Variants in SANBR observed in about 807,000 individuals in gnomAD.
The protein encoded by SANBR is SANT and BTB domain regulator of class switch recombination.
Under a neutral mutation model 101.8 loss-of-function variants are expected in SANBR, and 77 were observed. That is an observed-to-expected ratio of 0.76 (90% CI 0.63 to 0.91). The LOEUF (loss-of-function observed/expected upper bound fraction) is 0.91, where lower values mean the gene tolerates loss of function less well. Ranked by LOEUF, SANBR falls within the 40% of genes least tolerant of loss-of-function variation. SANBR has a pLI of 0.00. For missense variants in SANBR, 875 were observed against 853.0 expected, an observed-to-expected ratio of 1.03 and a Z score of -0.32; for synonymous variants, 279 against 274.7, an observed-to-expected ratio of 1.02 and a Z score of -0.15.
intron 17 of SANBR, chr2:61,117,083 G>T: frequency 2.2e-6 from 1 of 450,340 alleles, no homozygotes; most frequent in Non-Finnish European, 4.0e-6. Context: ...TGCATAAGCT[G>T]GGATTCCAAG....
At chr2:61,079,513 G>C (rs1326427991) in intron 6 of SANBR, among the ~76,000 whole-genome samples, 2 of 152,118 alleles carry the variant, frequency 1.3e-5, no homozygotes, top group African/African-American at 4.8e-5. Context: ...AAATTAATAG[G>C]AGAGGTTTCT....
At chr2:61,072,163 T>G (rs1048747222) in intron 4 of SANBR, among the ~76,000 whole-genome samples, 48 of 152,280 alleles carry the variant, frequency 3.2e-4, no homozygotes, top group African/African-American at 1.2e-3. Context: ...GGTCTGGAAC[T>G]CCTGAGCTCA....
intron 4 of SANBR, among the ~76,000 whole-genome samples, chr2:61,073,070 T>C (rs1681569962): frequency 6.6e-6 from 1 of 152,020 alleles, no homozygotes; most frequent in Non-Finnish European, 1.5e-5. Flanking sequence ...TGCAATTACA[T>C]TGGAAATAAT....
Position 61,123,667 on chromosome 2 carries a change from G to C in SANBR, c.*1505G>C, listed in dbSNP as rs1416342246. On this transcript the variant is annotated 3_prime_UTR_variant, in exon 22 of 22. Coordinates refer to ENST00000402291, the MANE Select transcript of SANBR (RefSeq NM_001129993.3). ...AACAGTGCTGTAATGGTCACGACTA[G>C]ATAAGGAAAAAATATATATGCTCTT... 4.1e-6 allele frequency: 4 copies of C among 985,280 alleles called. No homozygotes were observed. The East Asian group carries it at 4.5e-4, about 110-fold the overall frequency. 61.0% of individuals were successfully genotyped at this position (985,280 alleles called of 1,614,324 possible). A position where few individuals can be genotyped will look rare whatever the true frequency, so the allele number is the denominator to read the frequency against.
At position 61,090,697 on chromosome 2, in the gene SANBR, ATGTGTGTGTGGGCACAGGGTTTGTGTG is replaced by A. The variant is rs1001498231; in HGVS notation, c.1089-1756_1089-1730del. 4.5e-4 allele frequency: 66 copies of A among 145,280 alleles called. 1 individual carries two copies. In the South Asian group the frequency reaches 0.013, roughly 29 times the overall value. The allele number at this position is 145,280 out of a possible 1,614,324, so 9.0% of individuals were successfully genotyped here. ...ATGCCTGGCAACCTGGCAATTGTGT[ATGTGTGTGTGGGCACAGGGTTTGTGTG>A]TGTGTGTGTGTGTGTGTGTGTGTGT... On this transcript the variant is annotated intron_variant, in intron 10 of 21. Transcript: ENST00000402291.
intron 16 of SANBR, among the ~76,000 whole-genome samples, chr2:61,111,214 A>G (rs891703497): frequency 1.3e-5 from 2 of 152,132 alleles, no homozygotes; most frequent in Non-Finnish European, 2.9e-5. Flanking sequence ...TAACACAGTG[A>G]AACCCCTTCT....
intron 7 of SANBR, among the ~76,000 whole-genome samples, chr2:61,082,529 A>G (rs1682188353): frequency 1.3e-5 from 2 of 152,200 alleles, no homozygotes; most frequent in East Asian, 1.9e-4. Context: ...GTTTAATTAT[A>G]AGAAGTTACA....
chr2:61,112,132 T>C (rs1273729533), intron 16 of SANBR, among the ~76,000 whole-genome samples: 1 of 152,252 alleles, frequency 6.6e-6, no homozygotes, highest in Non-Finnish European at 1.5e-5. Context: ...CAAATTGTTT[T>C]GCAAAGTGGC....
chr2:61,116,599 A>T (rs1684089599), intron 17 of SANBR, among the ~76,000 whole-genome samples: 1 of 152,226 alleles, frequency 6.6e-6, no homozygotes, highest in African/African-American at 2.4e-5. Context: ...GAATAAGAGA[A>T]TAGTAATAAC....
chr2:61,091,034 C>T (rs951551248), intron 10 of SANBR, among the ~76,000 whole-genome samples: 2 of 151,784 alleles, frequency 1.3e-5, no homozygotes, highest in African/African-American at 4.8e-5. Flanking sequence ...TCAGACTCAG[C>T]CTCCCGAGTA....
intron 12 of SANBR, among the ~76,000 whole-genome samples, chr2:61,100,820 C>T (rs1683246342): frequency 2.0e-5 from 3 of 152,106 alleles, no homozygotes; most frequent in Non-Finnish European, 4.4e-5. Flanking sequence ...TGAGAGCTCA[C>T]TGGAGATTGG....
chr2:61,078,711 G>A (rs1054560441), intron 6 of SANBR, among the ~76,000 whole-genome samples: 1 of 151,882 alleles, frequency 6.6e-6, no homozygotes, highest in Non-Finnish European at 1.5e-5. Context: ...CATGAGCCAC[G>A]GCGCCCGACC....
intron 5 of SANBR, among the ~76,000 whole-genome samples, chr2:61,076,258 G>T (rs1037131620): frequency 1.3e-5 from 2 of 150,754 alleles, no homozygotes; most frequent in East Asian, 2.0e-4. Flanking sequence ...CTCCCAAAGT[G>T]CTGGGATTAC....
At chr2:61,077,483 TCA>T (rs1681855229) in intron 6 of SANBR, among the ~76,000 whole-genome samples, 1 of 151,948 alleles carries the variant, frequency 6.6e-6, no homozygotes, top group Admixed American at 6.6e-5. Context: ...ACTGTGTTGC[TCA>T]GATGGTACAA....
intron 12 of SANBR, among the ~76,000 whole-genome samples, chr2:61,102,061 C>A (rs1360691167): frequency 1.3e-5 from 2 of 151,538 alleles, no homozygotes; most frequent in Non-Finnish European, 2.9e-5. Context: ...TATAATGAAT[C>A]TTTTGTCGAT....
exon 22 of SANBR, chr2:61,137,847 A>T (rs1445888491): frequency 6.6e-6 from 1 of 152,196 alleles, no homozygotes; most frequent in Non-Finnish European, 1.5e-5. Context: ...TACATATTTT[A>T]TGTAGCTACA....
intron 16 of SANBR, among the ~76,000 whole-genome samples, chr2:61,110,531 T>C (rs1327635474): frequency 6.6e-6 from 1 of 152,170 alleles, no homozygotes; most frequent in African/African-American, 2.4e-5. Context: ...ATACAAAAAT[T>C]AGCCGGGCAT....
chr2:61,080,527 C>T (rs1025237639), intron 6 of SANBR, among the ~76,000 whole-genome samples: 1 of 152,140 alleles, frequency 6.6e-6, no homozygotes, highest in African/African-American at 2.4e-5. Context: ...TGGAGACCAT[C>T]CTGGCCAACA....
chr2:61,102,143 G>T (rs553199852), intron 12 of SANBR, among the ~76,000 whole-genome samples: 132 of 152,012 alleles, frequency 8.7e-4, no homozygotes, highest in African/African-American at 3.2e-3. Flanking sequence ...GGAGGCCGAG[G>T]CGGTCAGATC....
Sources: gnomAD v4.1 joint callset for allele counts (sites outside exome capture counted in the v4.1 genomes callset) on GRCh38, gnomAD v4.1.1 for gene constraint, MANE v1.5 for transcripts, NCBI Gene and HGNC (gene_info 2026-07-23, HGNC 2026-07-21) for gene names.